Variants in PDE4B observed in about 807,000 individuals in gnomAD.
PDE4B encodes the protein 3',5'-cyclic-AMP phosphodiesterase 4B.
PDE4B carries 20 observed loss-of-function variants against 82.2 expected under a neutral mutation model. The observed-to-expected ratio is 0.24, with a 90% CI of 0.17 to 0.35. PDE4B has a LOEUF of 0.35. Ranked by LOEUF, PDE4B falls within the 10% of genes least tolerant of loss-of-function variation. The probability of loss-of-function intolerance (pLI) is 1.00; values close to 1 mark genes in which losing one functional copy is unlikely to be tolerated. For missense variants in PDE4B, 655 were observed against 907.2 expected (o/e 0.72, Z 3.57); for synonymous variants, 320 against 318.9 (o/e 1.00, Z -0.04).
At chr1:66,223,386 G>C (rs1651160994) in intron 3 of PDE4B, among the ~76,000 whole-genome samples, 1 of 152,198 alleles carries the variant, frequency 6.6e-6, no homozygotes, top group Non-Finnish European at 1.5e-5. Flanking sequence ...CAGTTTCCCT[G>C]AGAGGCCATC....
chr1:66,138,617 G>A (rs538042295), intron 3 of PDE4B, among the ~76,000 whole-genome samples: 15 of 152,198 alleles, frequency 9.9e-5, no homozygotes, highest in African/African-American at 3.6e-4. Context: ...GATGTCAGAT[G>A]GACTAGATTG....
At chr1:66,334,452 A>G (rs1178546003) in intron 8 of PDE4B, among the ~76,000 whole-genome samples, 1 of 152,222 alleles carries the variant, frequency 6.6e-6, no homozygotes, top group Non-Finnish European at 1.5e-5. Flanking sequence ...CTCTGAGACC[A>G]GGCACTCTGT....
intron 7 of PDE4B, among the ~76,000 whole-genome samples, chr1:66,295,989 A>G (rs1657483237): frequency 6.6e-6 from 1 of 152,088 alleles, no homozygotes; most frequent in South Asian, 2.1e-4. Context: ...CTCTCTGCTC[A>G]GTGCACTTGA....
chr1:66,198,445 A>G (rs1570448625), intron 3 of PDE4B, among the ~76,000 whole-genome samples: 2 of 152,304 alleles, frequency 1.3e-5, no homozygotes, highest in African/African-American at 4.8e-5. Context: ...TTCATAAAGC[A>G]TAGTCAAGCT....
chr1:66,202,419 G>A (rs1174742068), intron 3 of PDE4B, among the ~76,000 whole-genome samples: 2 of 152,036 alleles, frequency 1.3e-5, no homozygotes, highest in African/African-American at 4.8e-5. Flanking sequence ...TTTCTGTCTC[G>A]TTGATCTGTC....
At chr1:66,048,981 A>G (rs971593676) in intron 3 of PDE4B, 9 of 151,990 alleles carry the variant, frequency 5.9e-5, no homozygotes, top group Admixed American at 3.3e-4. Flanking sequence ...TAGTCAATCT[A>G]TCTACTATGA....
At chr1:66,162,240 A>G (rs1570371438) in intron 3 of PDE4B, among the ~76,000 whole-genome samples, 1 of 150,496 alleles carries the variant, frequency 6.6e-6, no homozygotes, top group Non-Finnish European at 1.5e-5. Context: ...CTAATTAAAA[A>G]CTAATGCAGA....
At chr1:66,022,615 A>G (rs560991532) in intron 3 of PDE4B, among the ~76,000 whole-genome samples, 4 of 152,156 alleles carry the variant, frequency 2.6e-5, no homozygotes, top group Admixed American at 1.3e-4. Flanking sequence ...ACGTTTATTG[A>G]TTTGCATATG....
chr1:65,851,897 G>A (rs1434986447), intron 1 of PDE4B, among the ~76,000 whole-genome samples: 1 of 151,936 alleles, frequency 6.6e-6, no homozygotes, highest in African/African-American at 2.4e-5. Context: ...AAGAGTTTTT[G>A]ATAGATGCTT....
intron 8 of PDE4B, among the ~76,000 whole-genome samples, chr1:66,342,548 T>TAAAAAAAAA (rs374881888): frequency 1.2e-4 from 12 of 96,498 alleles, no homozygotes; most frequent in East Asian, 1.1e-3. Context: ...TGTCTCTAAT[T>TAAAAAAAAA]AAAAAAAAAA....
chr1:65,818,683 C>CATATATATATATAT (rs1471583640), intron 1 of PDE4B, among the ~76,000 whole-genome samples: 23 of 45,540 alleles, frequency 5.1e-4, no homozygotes, highest in African/African-American at 1.2e-3. Flanking sequence ...CACACACACA[C>CATATATATATATAT]ACATATATAT....
At chr1:66,107,752 C>T (rs546944381) in intron 3 of PDE4B, among the ~76,000 whole-genome samples, 4 of 151,770 alleles carry the variant, frequency 2.6e-5, no homozygotes, top group African/African-American at 9.7e-5. Context: ...AGATTGGATA[C>T]TGTAAAATCC....
At chr1:65,891,856 A>G (rs576244128) in intron 1 of PDE4B, among the ~76,000 whole-genome samples, 3 of 152,180 alleles carry the variant, frequency 2.0e-5, no homozygotes, top group African/African-American at 7.2e-5. Flanking sequence ...TGAAAAATAA[A>G]ATCAGTCTTT....
chr1:65,929,901 C>G (rs974424560), intron 3 of PDE4B, among the ~76,000 whole-genome samples: 1 of 152,098 alleles, frequency 6.6e-6, no homozygotes, highest in Non-Finnish European at 1.5e-5. Context: ...TATTAAGCAG[C>G]CAACTCCAGA....
At position 65,882,267 on chromosome 1, in the gene PDE4B, G is replaced by A. The variant is rs1169960848; in HGVS notation, c.-70-30978G>A. 9.2e-5 allele frequency among the ~76,000 whole-genome samples: 14 copies of A among 152,142 alleles called. No homozygotes were observed. The East Asian group carries it at 2.1e-3, about 23-fold the overall frequency. ...TGCATCTGTTGCTGACTTTAAAAACGCAATTACTAAACTGAAGCTGTTTCC... is the reference window on the plus strand; with the variant it reads ...TGCATCTGTTGCTGACTTTAAAAACACAATTACTAAACTGAAGCTGTTTCC... On this transcript the variant is annotated intron_variant, in intron 1 of 16. Transcript: ENST00000341517.
intron 3 of PDE4B, among the ~76,000 whole-genome samples, chr1:66,064,202 G>T (rs115301149): frequency 6.6e-6 from 1 of 151,966 alleles, no homozygotes; most frequent in Admixed American, 6.6e-5. Context: ...CGGTGCTAAT[G>T]AAGTGTTGTC....
intron 3 of PDE4B, among the ~76,000 whole-genome samples, chr1:66,043,354 G>T (rs1351221926): frequency 1.3e-5 from 2 of 151,768 alleles, no homozygotes; most frequent in African/African-American, 4.8e-5. Context: ...CAGCTTACAT[G>T]ACAGCTCTCC....
intron 7 of PDE4B, chr1:66,330,620 T>A (rs533377223): frequency 1.1e-5 from 2 of 187,748 alleles, no homozygotes; most frequent in Non-Finnish European, 9.9e-6. Flanking sequence ...AGGTAGTAAA[T>A]CCCCAGCAGC....
At chr1:66,320,557 A>G (rs1178381705) in intron 7 of PDE4B, among the ~76,000 whole-genome samples, 3 of 152,176 alleles carry the variant, frequency 2.0e-5, no homozygotes, top group Non-Finnish European at 4.4e-5. Flanking sequence ...TGTCTTTGAT[A>G]CTGTTCAGTA....
Sources: gnomAD v4.1 joint callset for allele counts (sites outside exome capture counted in the v4.1 genomes callset) on GRCh38, gnomAD v4.1.1 for gene constraint, MANE v1.5 for transcripts, NCBI Gene and HGNC (gene_info 2026-07-23, HGNC 2026-07-21) for gene names.